The following SUPT3H variants were observed in gnomAD, a reference collection of about 807,000 sequenced individuals.
The protein encoded by SUPT3H is transcription initiation protein SPT3 homolog.
Under a neutral mutation model 44.3 loss-of-function variants are expected in SUPT3H, and 44 were observed. The ratio of observed to expected loss-of-function variants is 0.99; its 90% CI spans 0.78 to 1.28. SUPT3H has a LOEUF of 1.28. SUPT3H is among the 50% of genes most tolerant of loss of function. SUPT3H has a pLI of 0.00. For synonymous variants in SUPT3H, 124 were observed against 125.6 expected (o/e 0.99, Z 0.09); for missense variants, 380 against 387.1 (o/e 0.98, Z 0.15).
intron 6 of SUPT3H, among the ~76,000 whole-genome samples, chr6:44,982,407 TAG>T (rs1779222745): frequency 6.6e-6 from 1 of 152,168 alleles, no homozygotes; most frequent in Non-Finnish European, 1.5e-5. Context: ...GTATTTTTAG[TAG>T]AGACAGTGTT....
intron 2 of SUPT3H, among the ~76,000 whole-genome samples, chr6:45,127,708 T>C (rs558621299): frequency 2.0e-5 from 3 of 152,364 alleles, no homozygotes; most frequent in East Asian, 3.9e-4. Flanking sequence ...ATCTCGCTGA[T>C]TTCTACTCTT....
intron 3 of SUPT3H, among the ~76,000 whole-genome samples, chr6:45,075,962 T>A (rs1000407257): frequency 6.6e-6 from 1 of 152,166 alleles, no homozygotes; most frequent in Non-Finnish European, 1.5e-5. Context: ...AGTATCTATA[T>A]AATTAGTTCA....
At chr6:45,028,420 TA>T (rs1216990446) in intron 3 of SUPT3H, among the ~76,000 whole-genome samples, 7 of 151,076 alleles carry the variant, frequency 4.6e-5, no homozygotes, top group African/African-American at 1.7e-4. Context: ...TCAGGTCTAT[TA>T]AGCCTGTCTA....
intron 2 of SUPT3H, among the ~76,000 whole-genome samples, chr6:45,233,701 T>C (rs1768507539): frequency 6.6e-6 from 1 of 152,220 alleles, no homozygotes; most frequent in Admixed American, 6.5e-5. Context: ...TATATTCTAT[T>C]CAAGGTATGA....
chr6:45,250,393 CAA>C (rs1309074765), intron 2 of SUPT3H, among the ~76,000 whole-genome samples: 1 of 147,926 alleles, frequency 6.8e-6, no homozygotes. Flanking sequence ...AAAAATAAAA[CAA>C]AGACAATAAA....
chr6:44,919,019 C>G (rs1768235275), intron 10 of SUPT3H, among the ~76,000 whole-genome samples: 1 of 152,170 alleles, frequency 6.6e-6, no homozygotes. Flanking sequence ...AACTACATAG[C>G]AAGTCTCCTT....
At chr6:45,018,728 G>A (rs1162618327) in intron 4 of SUPT3H, among the ~76,000 whole-genome samples, 1 of 152,026 alleles carries the variant, frequency 6.6e-6, no homozygotes, top group African/African-American at 2.4e-5. Context: ...GCTTTTTGAT[G>A]TGCTGCTGGA....
At chr6:45,251,204 T>C (rs897103061) in intron 2 of SUPT3H, 1 of 152,134 alleles carries the variant, frequency 6.6e-6, no homozygotes, top group African/African-American at 2.4e-5. Context: ...AAACCTATTG[T>C]CAAATAATAT....
rs1807405753 is a variant in SUPT3H, at chr6:45,154,083, A to AC, written c.102-48078_102-48077insG. On this transcript the variant is annotated intron_variant, in intron 2 of 10. Coordinates refer to ENST00000371459, the MANE Select transcript of SUPT3H (RefSeq NM_003599.4). ...AGACTCTGTCTCAAGAAAAAAAAAA[A>AC]AAAAAGCGCTTAGTCCTCCTATGTT... 9.9e-5 allele frequency among the ~76,000 whole-genome samples: 14 copies of AC among 141,302 alleles called. 1 individual carries two copies. The South Asian group carries it at 2.7e-3, about 27-fold the overall frequency. 92.7% of individuals were successfully genotyped at this position (141,302 alleles called of 152,430 possible). A position where few individuals can be genotyped will look rare whatever the true frequency, so the allele number is the denominator to read the frequency against.
At chr6:44,834,625 A>AT (rs1769475251) in intron 10 of SUPT3H, among the ~76,000 whole-genome samples, 1 of 152,170 alleles carries the variant, frequency 6.6e-6, no homozygotes, top group Non-Finnish European at 1.5e-5. Flanking sequence ...CCCATTCTTA[A>AT]TTTAACAGAT....
At chr6:44,929,735 T>C (rs1439970276) in intron 10 of SUPT3H, among the ~76,000 whole-genome samples, 1 of 150,652 alleles carries the variant, frequency 6.6e-6, no homozygotes, top group Non-Finnish European at 1.5e-5. Context: ...AACATCAGCA[T>C]CCCCAATCAT....
intron 2 of SUPT3H, among the ~76,000 whole-genome samples, chr6:45,107,254 G>C (rs1279218034): frequency 6.6e-6 from 1 of 152,140 alleles, no homozygotes; most frequent in Non-Finnish European, 1.5e-5. Flanking sequence ...TTCTATAATA[G>C]AGTACTGAAC....
At chr6:44,982,769 C>A (rs116799383) in intron 6 of SUPT3H, among the ~76,000 whole-genome samples, 6 of 152,072 alleles carry the variant, frequency 3.9e-5, no homozygotes, top group African/African-American at 1.4e-4. Context: ...CTATGGCATT[C>A]GTAAGAATCT....
chr6:44,930,471 G>A (rs1409877295), intron 10 of SUPT3H, among the ~76,000 whole-genome samples: 2 of 151,214 alleles, frequency 1.3e-5, no homozygotes, highest in Non-Finnish European at 2.9e-5. Context: ...GCTGAGGTAG[G>A]GAGAACTGCT....
chr6:45,107,841 C>A (rs929979914), intron 2 of SUPT3H, among the ~76,000 whole-genome samples: 1 of 151,938 alleles, frequency 6.6e-6, no homozygotes, highest in Non-Finnish European at 1.5e-5. Flanking sequence ...CCTATACATA[C>A]CTGAATAAAT....
At chr6:44,925,772 C>G (rs1382327718) in intron 10 of SUPT3H, among the ~76,000 whole-genome samples, 1 of 152,142 alleles carries the variant, frequency 6.6e-6, no homozygotes, top group African/African-American at 2.4e-5. Context: ...ATGCTCTAAT[C>G]ATAACATTTT....
intron 2 of SUPT3H, among the ~76,000 whole-genome samples, chr6:45,187,125 AAAAAG>A (rs1268239728): frequency 6.6e-6 from 1 of 150,548 alleles, no homozygotes; most frequent in Non-Finnish European, 1.5e-5. Context: ...AAAAAAAAAA[AAAAAG>A]ATGGCCAGAT....
At chr6:44,979,116 C>T (rs905150894) in intron 6 of SUPT3H, among the ~76,000 whole-genome samples, 2 of 152,124 alleles carry the variant, frequency 1.3e-5, no homozygotes, top group South Asian at 2.1e-4. Context: ...TAAATGAACA[C>T]GCCTTGTTAC....
At chr6:44,884,827 G>A (rs201383643) in intron 10 of SUPT3H, among the ~76,000 whole-genome samples, 4 of 152,194 alleles carry the variant, frequency 2.6e-5, no homozygotes, top group Non-Finnish European at 4.4e-5. Flanking sequence ...CTTCACTTGG[G>A]AAGTGCAAGG....
Sources: gnomAD v4.1 joint callset for allele counts (sites outside exome capture counted in the v4.1 genomes callset) on GRCh38, gnomAD v4.1.1 for gene constraint, MANE v1.5 for transcripts, NCBI Gene and HGNC (gene_info 2026-07-23, HGNC 2026-07-21) for gene names.